Variants in NUDCD1 observed in about 807,000 individuals in gnomAD.
NUDCD1 encodes NudC domain containing 1.
Under a neutral mutation model 67.8 loss-of-function variants are expected in NUDCD1, and 60 were observed. The ratio of observed to expected loss-of-function variants is 0.88; its 90% CI spans 0.72 to 1.10. The LOEUF (loss-of-function observed/expected upper bound fraction) is 1.10, where lower values mean the gene tolerates loss of function less well. Ranked by LOEUF, NUDCD1 falls within the 50% of genes least tolerant of loss-of-function variation. The pLI, the probability that NUDCD1 is intolerant of heterozygous loss-of-function variation, is 0.00. For missense variants in NUDCD1, 643 were observed against 695.0 expected (o/e 0.93, Z 0.84); for synonymous variants, 244 against 230.8 (o/e 1.06, Z -0.52).
At position 109,242,704 on chromosome 8, in the gene NUDCD1, C is replaced by A. The variant is rs975254882; in HGVS notation, c.*305G>T. The A allele has an allele frequency of 2.6e-5, 5 of 193,602 alleles. No homozygotes were observed. Among genetic ancestry groups the A allele is most frequent in the Non-Finnish European group, 4.3e-5 (4 of 93,462 alleles). 12.0% of individuals were successfully genotyped at this position (193,602 alleles called of 1,614,324 possible). On this transcript the variant is annotated 3_prime_UTR_variant, in exon 10 of 10. Coordinates refer to ENST00000239690, the MANE Select transcript of NUDCD1 (RefSeq NM_032869.4). Reference sequence around the variant, plus strand: ...CAATAAATATTTTTATTTTTAAACACTGAATTGTACATCTTTCATATAAAA... The same window carrying A: ...CAATAAATATTTTTATTTTTAAACAATGAATTGTACATCTTTCATATAAAA...
intron 2 of NUDCD1, among the ~76,000 whole-genome samples, chr8:109,308,106 T>C (rs528440247): frequency 6.6e-6 from 1 of 152,180 alleles, no homozygotes; most frequent in Non-Finnish European, 1.5e-5. Context: ...ATTTAAACTA[T>C]ACCCTGGAAC....
chr8:109,279,737 T>C (rs1814386105), intron 6 of NUDCD1, among the ~76,000 whole-genome samples: 1 of 152,174 alleles, frequency 6.6e-6, no homozygotes, highest in African/African-American at 2.4e-5. Context: ...GTTCAAGTAG[T>C]TCTCCTGTCT....
chr8:109,258,659 T>C (rs1813794046), intron 8 of NUDCD1, among the ~76,000 whole-genome samples: 2 of 152,026 alleles, frequency 1.3e-5, no homozygotes, highest in Non-Finnish European at 2.9e-5. Context: ...AGTATATTCC[T>C]GGAGAAAGGC....
intron 2 of NUDCD1, among the ~76,000 whole-genome samples, chr8:109,312,090 G>A (rs1420372772): frequency 6.6e-6 from 1 of 151,958 alleles, no homozygotes; most frequent in Admixed American, 6.6e-5. Flanking sequence ...ATCACCTGAG[G>A]CAGGAGTTCA....
At chr8:109,245,704 C>T (rs971912291) in intron 8 of NUDCD1, among the ~76,000 whole-genome samples, 1 of 152,100 alleles carries the variant, frequency 6.6e-6, no homozygotes, top group African/African-American at 2.4e-5. Flanking sequence ...GGTAACTTGT[C>T]GATGGTCAGC....
At chr8:109,284,489 G>A (rs1814529768) in intron 5 of NUDCD1, among the ~76,000 whole-genome samples, 2 of 152,000 alleles carry the variant, frequency 1.3e-5, no homozygotes, top group African/African-American at 4.8e-5. Flanking sequence ...CTACTCATCT[G>A]CACACAGAAC....
chr8:109,283,070 G>A (rs1252224109), intron 5 of NUDCD1, among the ~76,000 whole-genome samples: 1 of 152,082 alleles, frequency 6.6e-6, no homozygotes, highest in Non-Finnish European at 1.5e-5. Context: ...TCCAAGAAAT[G>A]AAGGAAGAGA....
intron 8 of NUDCD1, among the ~76,000 whole-genome samples, chr8:109,263,986 A>G (rs542153843): frequency 6.6e-6 from 1 of 152,306 alleles, no homozygotes; most frequent in African/African-American, 2.4e-5. Context: ...GTCCTTGAGA[A>G]AGAAGTCAAA....
chr8:109,331,161 T>A (rs1815795831), intron 1 of NUDCD1, among the ~76,000 whole-genome samples: 1 of 151,868 alleles, frequency 6.6e-6, no homozygotes, highest in African/African-American at 2.4e-5. Context: ...GCCAAGATAG[T>A]AAAACTCCGT....
chr8:109,334,083 A>C lies in NUDCD1; in HGVS notation c.-73T>G. 1 of 1,598,466 alleles carries C rather than the reference A, an allele frequency of 6.3e-7. No individual in the cohort carries two copies. The highest frequency in any genetic ancestry group is 2.2e-5 in the East Asian group (1 of 44,720). On this transcript the variant is annotated 5_prime_UTR_variant, in exon 1 of 10. Transcript: ENST00000239690. ...GGTCCGCGCTTCACGCCTCGCACAG[A>C]GACTGGGAAGCGGCGTGGTTCCCAT...
intron 2 of NUDCD1, among the ~76,000 whole-genome samples, chr8:109,314,272 C>G (rs1482056482): frequency 6.6e-6 from 1 of 152,114 alleles, no homozygotes; most frequent in East Asian, 1.9e-4. Flanking sequence ...CATTACACAG[C>G]TGACTGCAGA....
chr8:109,324,379 T>A (rs2130139259), intron 1 of NUDCD1, among the ~76,000 whole-genome samples: 1 of 151,382 alleles, frequency 6.6e-6, no homozygotes, highest in South Asian at 2.1e-4. Flanking sequence ...AGAATGGCTA[T>A]TTTCAAAAAA....
intron 8 of NUDCD1, among the ~76,000 whole-genome samples, chr8:109,254,084 C>T (rs1200407551): frequency 6.6e-6 from 1 of 151,910 alleles, no homozygotes; most frequent in Non-Finnish European, 1.5e-5. Context: ...TAGCCAAGAG[C>T]AAAACAGGAA....
intron 5 of NUDCD1, among the ~76,000 whole-genome samples, chr8:109,284,411 TTAAA>T (rs1256854681): frequency 6.6e-6 from 1 of 151,982 alleles, no homozygotes; most frequent in Non-Finnish European, 1.5e-5. Context: ...AAGTATGGAC[TTAAA>T]TTTGACACTT....
At chr8:109,320,299 A>G (rs1815504439) in intron 2 of NUDCD1, among the ~76,000 whole-genome samples, 1 of 152,166 alleles carries the variant, frequency 6.6e-6, no homozygotes, top group South Asian at 2.1e-4. Context: ...ATAAGAGACG[A>G]CCATGCCCAG....
chr8:109,330,170 T>C (rs1446123368), intron 1 of NUDCD1, among the ~76,000 whole-genome samples: 1 of 152,148 alleles, frequency 6.6e-6, no homozygotes, highest in Non-Finnish European at 1.5e-5. Context: ...CAAAAGACAA[T>C]TACAATTTGA....
At chr8:109,281,201 A>C (rs955552944) in intron 5 of NUDCD1, 29 bp from the exon 6 acceptor site, 9 of 1,474,370 alleles carry the variant, frequency 6.1e-6, no homozygotes, top group Middle Eastern at 1.8e-4. Flanking sequence ...TGCATCATGT[A>C]ATAAAAAATT....
intron 1 of NUDCD1, among the ~76,000 whole-genome samples, chr8:109,323,621 T>G (rs1432686198): frequency 6.6e-6 from 1 of 152,050 alleles, no homozygotes; most frequent in Non-Finnish European, 1.5e-5. Context: ...CTTTCCAAGG[T>G]TTGAGCCACG....
intron 2 of NUDCD1, among the ~76,000 whole-genome samples, chr8:109,317,706 A>G (rs991763530): frequency 9.2e-5 from 14 of 152,198 alleles, no homozygotes; most frequent in Non-Finnish European, 1.8e-4. Flanking sequence ...AATATGTGCA[A>G]AAAAAACTAG....
Sources: allele counts gnomAD v4.1 joint callset (sites outside exome capture counted in the v4.1 genomes callset), GRCh38; gene constraint gnomAD v4.1.1; transcripts MANE v1.5; gene names NCBI Gene and HGNC (gene_info 2026-07-23, HGNC 2026-07-21).